Variants in DMD observed in about 807,000 individuals in gnomAD.
DMD encodes mutant dystrophin.
DMD carries 63 observed loss-of-function variants against 330.1 expected under a neutral mutation model. The ratio of observed to expected loss-of-function variants is 0.19; its 90% CI spans 0.16 to 0.24. The LOEUF (loss-of-function observed/expected upper bound fraction) is 0.24, where lower values mean the gene tolerates loss of function less well. Ranked by LOEUF, DMD falls within the 10% of genes least tolerant of loss-of-function variation. The pLI, the probability that DMD is intolerant of heterozygous loss-of-function variation, is 1.00. For missense variants in DMD, 3,344 were observed against 2,684.1 expected (o/e 1.25, Z -5.43); for synonymous variants, 1,223 against 959.8 (o/e 1.27, Z -5.07).
chrX:32,116,503 T>C lies in DMD; in HGVS notation c.6438+100413A>G, dbSNP rs73456123. ...GCATATATCATGTACTTCACAAATA[T>C]CTGTGGAATAAATGAACACATTGAA... On this transcript the variant is annotated intron_variant, in intron 44 of 78. Coordinates refer to ENST00000357033, the MANE Select transcript of DMD (RefSeq NM_004006.3). Among the ~76,000 whole-genome samples the C allele has an allele frequency of 5.5e-3, 619 of 112,210 alleles. 2 individuals carry two copies. The highest frequency in any genetic ancestry group is 0.019 in the African/African-American group (592 of 30,882).
chrX:32,801,867 T>C (rs781325737), intron 7 of DMD, among the ~76,000 whole-genome samples: 2 of 111,644 alleles, frequency 1.8e-5, no homozygotes, highest in Admixed American at 1.9e-4. Flanking sequence ...CATTCGTCTA[T>C]GTATCTGTTC....
chrX:32,632,180 A>G (rs2058776274), intron 11 of DMD, among the ~76,000 whole-genome samples: 1 of 112,240 alleles, frequency 8.9e-6, no homozygotes, highest in Non-Finnish European at 1.9e-5. Context: ...GAAACCCAGC[A>G]GGGTAGTCAT....
At chrX:31,288,018 T>C (rs919134053) in intron 62 of DMD, among the ~76,000 whole-genome samples, 2 of 111,239 alleles carry the variant, frequency 1.8e-5, no homozygotes, top group Non-Finnish European at 3.8e-5. Flanking sequence ...ATTCCAGTGT[T>C]CAAAAAAGAC....
chrX:31,274,126 C>T (rs1364745723), intron 62 of DMD, among the ~76,000 whole-genome samples: 1 of 111,935 alleles, frequency 8.9e-6, no homozygotes, highest in Admixed American at 9.5e-5. Flanking sequence ...TAGTAAACTG[C>T]TCTTCTGTAA....
intron 60 of DMD, among the ~76,000 whole-genome samples, chrX:31,441,867 A>G (rs760822248): frequency 3.6e-5 from 4 of 112,387 alleles, no homozygotes; most frequent in Non-Finnish European, 7.5e-5. Flanking sequence ...TAGCAGAATT[A>G]CTATCAAAGA....
At chrX:32,475,282 G>T (rs1252763654) in intron 21 of DMD, among the ~76,000 whole-genome samples, 1 of 111,448 alleles carries the variant, frequency 9.0e-6, no homozygotes, top group Non-Finnish European at 1.9e-5. Context: ...TTGAAATCAG[G>T]TAGTGTGATG....
chrX:31,266,990 C>A, intron 62 of DMD: 1 of 854,498 alleles, frequency 1.2e-6, no homozygotes, highest in Non-Finnish European at 1.6e-6. Flanking sequence ...GGAGGGGGCG[C>A]TGCGGGCAGA....
intron 61 of DMD, among the ~76,000 whole-genome samples, chrX:31,324,276 G>A (rs1308367657): frequency 2.7e-5 from 3 of 111,025 alleles, no homozygotes; most frequent in Non-Finnish European, 3.8e-5. Context: ...ATATCAGAGC[G>A]TAATAAGACT....
chrX:32,480,405 T>C (rs1438462846), intron 21 of DMD, among the ~76,000 whole-genome samples: 1 of 111,050 alleles, frequency 9.0e-6, no homozygotes, highest in Non-Finnish European at 1.9e-5. Context: ...TGTGTGTATA[T>C]GTCTACATGT....
intron 2 of DMD, among the ~76,000 whole-genome samples, chrX:32,995,455 T>C (rs1050029564): frequency 4.4e-5 from 5 of 112,391 alleles, no homozygotes; most frequent in African/African-American, 1.6e-4. Context: ...TGTCAGGACT[T>C]GGCTCTGCCC....
At chrX:32,280,160 ATACAG>A (rs1304768259) in intron 43 of DMD, among the ~76,000 whole-genome samples, 441 of 16,645 alleles carry the variant, frequency 0.026, 7 homozygotes, top group East Asian at 0.13. Flanking sequence ...ATATATATAT[ATACAG>A]TATATATATA....
intron 44 of DMD, among the ~76,000 whole-genome samples, chrX:31,986,326 G>C (rs2095508757): frequency 9.0e-6 from 1 of 110,962 alleles, no homozygotes; most frequent in South Asian, 3.8e-4. Flanking sequence ...CTTGCTAATG[G>C]GACAGAACTC....
At chrX:32,355,404 T>G (rs1273833204) in intron 37 of DMD, among the ~76,000 whole-genome samples, 1 of 111,354 alleles carries the variant, frequency 9.0e-6, no homozygotes, top group Non-Finnish European at 1.9e-5. Flanking sequence ...AAAGCAAAAT[T>G]GCTTTACATC....
At chrX:32,452,737 T>A (rs2098339541) in intron 26 of DMD, among the ~76,000 whole-genome samples, 1 of 110,974 alleles carries the variant, frequency 9.0e-6, no homozygotes, top group Non-Finnish European at 1.9e-5. Flanking sequence ...AGTCAAATTT[T>A]AAATTATTTT....
intron 62 of DMD, among the ~76,000 whole-genome samples, chrX:31,272,707 C>A (rs1404932520): frequency 8.9e-6 from 1 of 112,344 alleles, no homozygotes; most frequent in Admixed American, 9.4e-5. Context: ...AGTAAATTAA[C>A]CCTTTGATCT....
chrX:33,254,006 A>AG (rs1048397658), intron 1 of DMD, among the ~76,000 whole-genome samples: 2 of 111,042 alleles, frequency 1.8e-5, no homozygotes, highest in Non-Finnish European at 3.8e-5. Flanking sequence ...TTAAAAGAAA[A>AG]TAGCTTATAC....
Position 32,573,801 on chromosome X carries a change from G to A in DMD, c.1648C>T (p.Arg550Cys), listed in dbSNP as rs778354538. The change falls in exon 14 of 79, where the codon CGC becomes TGC. Residue 550 changes from arginine (R) to cysteine (C), a missense_variant. Physicochemically the swap from Arg to Cys is radical, Grantham distance 180. Transcript: ENST00000357033. Reference sequence around the variant, plus strand: ...AGGATGTCTTGTAAAAGAACCCAGCGGTCTTCTGTCCATCTACAGATGTTT... The same window carrying A: ...AGGATGTCTTGTAAAAGAACCCAGCAGTCTTCTGTCCATCTACAGATGTTT... ...WANICRWTED[R>C]WVLLQDILLK... 1.1e-5 allele frequency: 13 copies of A among 1,209,697 alleles called. No individual in the cohort carries two copies. Among genetic ancestry groups the A allele is most frequent in the East Asian group, 3.0e-5 (1 of 33,758 alleles).
At chrX:32,952,398 CTGGGATT>C (rs2091305038) in intron 2 of DMD, among the ~76,000 whole-genome samples, 1 of 111,510 alleles carries the variant, frequency 9.0e-6, no homozygotes, top group Non-Finnish European at 1.9e-5. Context: ...TCCCAAAGTG[CTGGGATT>C]ACAGGCCTGA....
chrX:32,365,248 G>T (rs368911557), intron 34 of DMD, 49 bp from the exon 35 acceptor site: 7 of 1,158,422 alleles, frequency 6.0e-6, no homozygotes, highest in Non-Finnish European at 7.0e-6. Flanking sequence ...GTAGTCTTAA[G>T]ATTTAATGCT....
Sources: allele counts gnomAD v4.1 joint callset (sites outside exome capture counted in the v4.1 genomes callset), GRCh38; gene constraint gnomAD v4.1.1; transcripts MANE v1.5; gene names NCBI Gene and HGNC (gene_info 2026-07-23, HGNC 2026-07-21).